Variants in KNL1 observed in about 807,000 individuals in gnomAD.
The protein encoded by KNL1 is kinetochore scaffold 1, also known as outer kinetochore KNL1 complex subunit KNL1.
In KNL1, 66 loss-of-function variants were observed where a neutral mutation model predicts 201.3. The observed-to-expected ratio is 0.33, with a 90% confidence interval of 0.27 to 0.40. KNL1 has a LOEUF of 0.40. Among genes scored for constraint, KNL1 ranks in the 10% least tolerant of loss-of-function variants. KNL1 has a pLI of 1.00. For missense variants in KNL1, 2,815 were observed against 2,690.5 expected (o/e 1.05, Z -1.02); for synonymous variants, 895 against 899.2 (o/e 1.00, Z 0.08).
intron 16 of KNL1, chr15:40,646,772 G>A (rs1051129562): frequency 3.0e-5 from 9 of 301,854 alleles, no homozygotes; most frequent in African/African-American, 1.6e-4. Flanking sequence ...CAGGAGAATG[G>A]CATGAACCCG....
At chr15:40,606,864 A>G (rs986320131) in intron 4 of KNL1, among the ~76,000 whole-genome samples, 26 of 152,246 alleles carry the variant, frequency 1.7e-4, no homozygotes, top group African/African-American at 6.0e-4. Flanking sequence ...GGCTCAAGAG[A>G]TCCTCCCACC....
chr15:40,622,654 T>G lies in KNL1; in HGVS notation c.2390T>G (p.Met797Arg). ...CACACTACTGGCCAGCTAACAACAA[T>G]GAACAGACAGATAGCTGTAAAAGTT... is the stretch of plus-strand genomic sequence containing the variant. ...LEHTTGQLTTMNRQIAVKVEK... is the reference protein window; with the variant it reads ...LEHTTGQLTTRNRQIAVKVEK... Residue 797 changes from methionine to arginine, a missense_variant, in exon 10 of 26, where the codon ATG becomes AGG. Physicochemically the swap from Met to Arg is moderately conservative, Grantham distance 91. This residue lies in a region of KNL1 where 2,464 missense variants were observed against 2,291.7 expected (regional missense o/e 1.08). Transcript: ENST00000399668. The G allele has an allele frequency of 1.3e-6, 2 of 1,591,694 alleles. No homozygotes were observed. Among genetic ancestry groups the G allele is most frequent in the Non-Finnish European group, 1.7e-6 (2 of 1,171,774 alleles).
intron 8 of KNL1, chr15:40,615,719 C>G (rs1287741557): frequency 6.6e-6 from 1 of 151,888 alleles, no homozygotes; most frequent in African/African-American, 2.5e-5. Flanking sequence ...GAGCTGAGAT[C>G]GCGCCACTGC....
intron 6 of KNL1, among the ~76,000 whole-genome samples, chr15:40,611,028 G>T (rs556176834): frequency 6.6e-6 from 1 of 151,620 alleles, no homozygotes; most frequent in Non-Finnish European, 1.5e-5. Flanking sequence ...GATTACAGGC[G>T]TGAGCCACCA....
Position 40,621,601 on chromosome 15 carries a change from T to C in KNL1, c.1337T>C (p.Met446Thr), listed in dbSNP as rs751043886. 4.3e-6 allele frequency: 7 copies of C among 1,610,968 alleles called. No homozygotes were observed. The highest frequency in any genetic ancestry group is 1.1e-5 in the South Asian group (1 of 90,706). Residue 446 changes from methionine (M) to threonine (T), a missense_variant, in exon 10 of 26, where the codon ATG becomes ACG. Met to Thr is a moderately conservative substitution (Grantham distance 81). Transcript: ENST00000399668. Reference sequence around the variant, plus strand: ...GAAATGACCAAATGTCTCTCAAATATGAGAGAGGAGAAAAATTTGCTAAAG... The same window carrying C: ...GAAATGACCAAATGTCTCTCAAATACGAGAGAGGAGAAAAATTTGCTAAAG... ...AMEMTKCLSN[M>T]REEKNLLKHD...
chr15:40,620,256 C>T (rs2141718500), intron 9 of KNL1, among the ~76,000 whole-genome samples: 1 of 151,936 alleles, frequency 6.6e-6, no homozygotes, highest in Non-Finnish European at 1.5e-5. Flanking sequence ...CTCTGTTGCC[C>T]AGGCAGTGGT....
In KNL1 at chr15:40,628,106, A is replaced by C. The variant is rs1302071976; in HGVS notation, c.5413A>C (p.Ser1805Arg). 1.2e-5 allele frequency: 19 copies of C among 1,607,996 alleles called. No individual in the cohort carries two copies. The highest frequency in any genetic ancestry group is 1.4e-5 in the Non-Finnish European group (17 of 1,178,186). The change falls in exon 11 of 26, where the codon AGT becomes CGT. Residue 1805 changes from serine to arginine, a missense_variant. Physicochemically the swap from Ser to Arg is moderately radical, Grantham distance 110. Transcript: ENST00000399668. ...DHHTEEDIDK[S>R]ANSVLIKNLS... ...CCATACTGAAGAGGATATAGATAAA[A>C]GTGCTAACAGTGTATTGATAAAAAA...
rs371896780 is a variant in KNL1, at chr15:40,606,469, A to C, written c.135+17A>C. On this transcript the variant is annotated intron_variant, in intron 4 of 25. Transcript: ENST00000399668. ...AGAGTTCAGGTAAGTCTTTTGTGCA[A>C]ATACTTTATAGATGACTATTTTCAG... The C allele has an allele frequency of 2.4e-5, 33 of 1,352,246 alleles. No individual in the cohort carries two copies. Among genetic ancestry groups the C allele is most frequent in the Non-Finnish European group, 3.4e-5 (32 of 945,388 alleles). The allele number at this position is 1,352,246 out of a possible 1,614,324, so 83.8% of individuals were successfully genotyped here.
chr15:40,663,066 T>C lies in KNL1; in HGVS notation c.*878T>C, dbSNP rs530554495. ...CTATGGTGTCTATTATGTTTTCTTT[T>C]TCTTTTTTTTTGAGACGGAGTCTTG... On this transcript the variant is annotated 3_prime_UTR_variant, in exon 26 of 26. Transcript: ENST00000399668. 66 of 170,648 alleles carry C rather than the reference T, an allele frequency of 3.9e-4. No homozygotes were observed. The highest frequency in any genetic ancestry group is 1.1e-3 in the Admixed American group (18 of 15,656). 10.6% of individuals were successfully genotyped at this position (170,648 alleles called of 1,614,324 possible).
At chr15:40,614,777 G>A (rs1354329836) in intron 7 of KNL1, among the ~76,000 whole-genome samples, 1 of 152,114 alleles carries the variant, frequency 6.6e-6, no homozygotes, top group Non-Finnish European at 1.5e-5. Flanking sequence ...ACTCCCTATT[G>A]ATGGACACTT....
chr15:40,615,141 A>G (rs1892297056), intron 7 of KNL1, among the ~76,000 whole-genome samples, 200 bp from the exon 8 acceptor site: 1 of 152,192 alleles, frequency 6.6e-6, no homozygotes, highest in African/African-American at 2.4e-5. Flanking sequence ...TCCTTCAGCC[A>G]GTATTAGATG....
At chr15:40,653,363 A>G (rs1433455421) in intron 21 of KNL1, among the ~76,000 whole-genome samples, 1 of 151,666 alleles carries the variant, frequency 6.6e-6, no homozygotes, top group Non-Finnish European at 1.5e-5. Context: ...TAATTTTTTT[A>G]TATTTTGTGG....
chr15:40,627,722 A>C (rs542336447), intron 10 of KNL1, among the ~76,000 whole-genome samples: 3 of 152,188 alleles, frequency 2.0e-5, no homozygotes, highest in Non-Finnish European at 4.4e-5. Context: ...CATACAGCCA[A>C]TATTCTAGTC....
intron 21 of KNL1, among the ~76,000 whole-genome samples, chr15:40,653,459 T>C (rs1206689560): frequency 6.6e-6 from 1 of 152,150 alleles, no homozygotes; most frequent in Non-Finnish European, 1.5e-5. Flanking sequence ...CCCAAAGTGC[T>C]GGATTACAGG....
intron 1 of KNL1, among the ~76,000 whole-genome samples, chr15:40,602,221 G>A (rs1891824682): frequency 6.8e-6 from 1 of 147,078 alleles, no homozygotes; most frequent in Non-Finnish European, 1.5e-5. Flanking sequence ...TTTTAGTAGA[G>A]ACGGGGTTTC....
In KNL1 at chr15:40,624,831, C is replaced by T; in HGVS notation, c.4567C>T (p.His1523Tyr). 1 of 1,613,154 alleles carries T rather than the reference C, an allele frequency of 6.2e-7. No individual in the cohort carries two copies. Among genetic ancestry groups the T allele is most frequent in the Non-Finnish European group, 8.5e-7 (1 of 1,179,872 alleles). ...TTNYNTALDF[H>Y]SNSDVTKQVI... ...TAACTATAATACAGCTCTAGATTTCCACAGTAACTCAGACGTAACTAAGCA... is the reference window on the plus strand; with the variant it reads ...TAACTATAATACAGCTCTAGATTTCTACAGTAACTCAGACGTAACTAAGCA... Residue 1523 changes from histidine (H) to tyrosine (Y), a missense_variant, in exon 10 of 26, where the codon CAC becomes TAC. Physicochemically the swap from His to Tyr is moderately conservative, Grantham distance 83 (BLOSUM62 2). Around this residue, in one of 3 missense-constraint regions of KNL1, gnomAD observed 2,464 missense variants for 2,291.7 expected, o/e 1.08. Transcript: ENST00000399668.
At chr15:40,613,691 C>T (rs1194761584) in intron 7 of KNL1, among the ~76,000 whole-genome samples, 1 of 152,180 alleles carries the variant, frequency 6.6e-6, no homozygotes, top group Non-Finnish European at 1.5e-5. Flanking sequence ...ACTGCAACCT[C>T]AGCCTCCTGG....
intron 1 of KNL1, among the ~76,000 whole-genome samples, chr15:40,595,805 T>C (rs138635780): frequency 0.013 from 1,916 of 152,296 alleles, 32 homozygotes; most frequent in African/African-American, 0.044. Context: ...TAAATGTAAA[T>C]AACTACTATA....
chr15:40,641,842 A>G (rs188889637), intron 14 of KNL1, among the ~76,000 whole-genome samples: 38 of 152,344 alleles, frequency 2.5e-4, no homozygotes, highest in Non-Finnish European at 4.6e-4. Flanking sequence ...TTGTTTACAT[A>G]TATAAAAGAA....
Sources: gnomAD v4.1 joint callset for allele counts (sites outside exome capture counted in the v4.1 genomes callset) on GRCh38, gnomAD v4.1.1 for gene constraint, gnomAD v4.1.1 regional missense constraint, MANE v1.5 for transcripts, NCBI Gene and HGNC (gene_info 2026-07-23, HGNC 2026-07-21) for gene names.